RSPRY1: variants seen among roughly 807,000 people sequenced by gnomAD.
RSPRY1 encodes the protein ring finger and SPRY domain containing 1.
RSPRY1 carries 23 observed loss-of-function variants against 73.1 expected under a neutral mutation model. The observed-to-expected ratio is 0.31, with a 90% CI of 0.23 to 0.45. The LOEUF (loss-of-function observed/expected upper bound fraction) is 0.45, where lower values mean the gene tolerates loss of function less well. Ranked by LOEUF, RSPRY1 falls within the 20% of genes least tolerant of loss-of-function variation. The pLI is 1.00. For missense variants in RSPRY1, 448 were observed against 698.7 expected (o/e 0.64, Z 4.05); for synonymous variants, 226 against 251.4 (o/e 0.90, Z 0.95).
intron 1 of RSPRY1, among the ~76,000 whole-genome samples, chr16:57,189,464 C>T (rs2074312332): frequency 6.7e-6 from 1 of 148,596 alleles, no homozygotes; most frequent in Admixed American, 6.7e-5. Flanking sequence ...CAGGTAAAAA[C>T]AACAAATCTG....
At chr16:57,199,789 T>C (rs1186874309) in intron 1 of RSPRY1, among the ~76,000 whole-genome samples, 1 of 151,812 alleles carries the variant, frequency 6.6e-6, no homozygotes, top group Non-Finnish European at 1.5e-5. Context: ...TTGAATTGTT[T>C]ACCTCTTTTC....
chr16:57,237,775 G>A (rs2075322848), intron 14 of RSPRY1, among the ~76,000 whole-genome samples: 2 of 152,060 alleles, frequency 1.3e-5, no homozygotes, highest in East Asian at 1.9e-4. Flanking sequence ...GCAGTGGCGT[G>A]ATCTCAGCTC....
intron 6 of RSPRY1, 37 bp from the exon 7 acceptor site, chr16:57,216,070 T>TG: frequency 2.4e-6 from 1 of 416,782 alleles, no homozygotes; most frequent in Non-Finnish European, 3.1e-6. Context: ...AGGGGAATGA[T>TG]TTTTTTTTTT....
Position 57,204,709 on chromosome 16 carries a change from G to C in RSPRY1, c.51G>C (p.Gln17His). The change falls in exon 2 of 15, where the codon CAG (glutamine) becomes CAC (histidine). Residue 17 changes from glutamine (Q) to histidine (H), a missense_variant. Coordinates refer to ENST00000394420, the MANE Select transcript of RSPRY1 (RefSeq NM_133368.3). Reference protein sequence around the residue: ...AVFLASRSLGQGLLLTLEEHI... With the variant: ...AVFLASRSLGHGLLLTLEEHI... ...TCTTAGCGAGCAGAAGCCTTGGCCA[G>C]GGTCTGTTGTTGACTCTCGAAGAGC... 1 of 1,614,192 alleles carries C rather than the reference G, an allele frequency of 6.2e-7. No individual in the cohort carries two copies. Among genetic ancestry groups the C allele is most frequent in the Non-Finnish European group, 8.5e-7 (1 of 1,180,026 alleles).
intron 3 of RSPRY1, 137 bp downstream of exon 3, chr16:57,208,247 C>T (rs2074763585): frequency 9.7e-6 from 5 of 514,728 alleles, no homozygotes; most frequent in Non-Finnish European, 1.7e-5. Flanking sequence ...ATGAAAAAAG[C>T]CCTTACTGTA....
At chr16:57,191,701 C>T (rs1365504637) in intron 1 of RSPRY1, among the ~76,000 whole-genome samples, 5 of 152,174 alleles carry the variant, frequency 3.3e-5, no homozygotes, top group African/African-American at 1.2e-4. Context: ...TTTATACCAA[C>T]AATATTTTGG....
At chr16:57,199,339 A>G (rs1352139035) in intron 1 of RSPRY1, among the ~76,000 whole-genome samples, 3 of 152,142 alleles carry the variant, frequency 2.0e-5, no homozygotes, top group Non-Finnish European at 4.4e-5. Flanking sequence ...CTAAAAATAC[A>G]AAATTAGCCA....
chr16:57,222,526 C>A (rs567233166), intron 10 of RSPRY1, among the ~76,000 whole-genome samples: 3 of 152,210 alleles, frequency 2.0e-5, no homozygotes, highest in African/African-American at 4.8e-5. Flanking sequence ...GAGGTCAAGT[C>A]TGTACTCCTG....
chr16:57,218,926 C>G (rs1250575299), intron 8 of RSPRY1, among the ~76,000 whole-genome samples: 1 of 142,134 alleles, frequency 7.0e-6, no homozygotes, highest in Non-Finnish European at 1.5e-5. Context: ...TTAGTAGAGA[C>G]GGGGTTTCAC....
At chr16:57,236,610 G>T (rs1567519516) in intron 14 of RSPRY1, among the ~76,000 whole-genome samples, 2 of 152,126 alleles carry the variant, frequency 1.3e-5, no homozygotes, top group Admixed American at 6.6e-5. Flanking sequence ...AAGTACTAAG[G>T]CTAGTTTCAC....
chr16:57,214,831 C>A (rs1218503131), intron 6 of RSPRY1, among the ~76,000 whole-genome samples: 1 of 152,214 alleles, frequency 6.6e-6, no homozygotes, highest in African/African-American at 2.4e-5. Context: ...GAGTTCAAGA[C>A]CAGCCTGGCC....
At chr16:57,223,821 CAT>C (rs1416823146) in intron 10 of RSPRY1, among the ~76,000 whole-genome samples, 6 of 152,162 alleles carry the variant, frequency 3.9e-5, no homozygotes, top group South Asian at 2.1e-4. Flanking sequence ...GAGTGTCTGT[CAT>C]GTGACACTTT....
intron 5 of RSPRY1, among the ~76,000 whole-genome samples, 175 bp downstream of exon 5, chr16:57,213,273 A>G (rs556116552): frequency 6.6e-6 from 1 of 152,356 alleles, no homozygotes; most frequent in South Asian, 2.1e-4. Flanking sequence ...GGTGAATGCA[A>G]TTTAATTTAG....
chr16:57,201,915 T>C (rs2074621184), intron 1 of RSPRY1, among the ~76,000 whole-genome samples: 1 of 151,972 alleles, frequency 6.6e-6, no homozygotes, highest in African/African-American at 2.4e-5. Flanking sequence ...AGCAGTACAG[T>C]CCAGCTTTGG....
chr16:57,225,301 TCTGC>T (rs1278700096), intron 10 of RSPRY1, among the ~76,000 whole-genome samples: 1 of 152,206 alleles, frequency 6.6e-6, no homozygotes, highest in East Asian at 1.9e-4. Flanking sequence ...CCTCAAGTGA[TCTGC>T]CCCCCAAAGT....
chr16:57,235,161 C>G lies in RSPRY1; in HGVS notation c.1567C>G (p.Arg523Gly). The G allele has an allele frequency of 6.2e-7, 1 of 1,614,098 alleles. No homozygotes were observed. Among genetic ancestry groups the G allele is most frequent in the South Asian group, 1.1e-5 (1 of 91,080 alleles). The change falls in exon 14 of 15, where the codon CGA (arginine) becomes GGA (glycine). Residue 523 changes from arginine (R) to glycine (G), a missense_variant. By Grantham distance (125) the Arg-to-Gly change is moderately radical. Transcript: ENST00000394420. Reference sequence around the variant, plus strand: ...TGCTCTGTTGAAGCAAGTCAGTATCCGAGAAAACTGCTGTTCCCTTTGTTG... The same window carrying G: ...TGCTCTGTTGAAGCAAGTCAGTATCGGAGAAAACTGCTGTTCCCTTTGTTG... The part of the protein sequence containing the change: ...RLALLKQVSI[R>G]ENCCSLCCDE...
intron 1 of RSPRY1, among the ~76,000 whole-genome samples, chr16:57,192,012 G>GT (rs2074359397): frequency 2.0e-5 from 3 of 152,180 alleles, no homozygotes; most frequent in African/African-American, 7.2e-5. Flanking sequence ...TGGATATATA[G>GT]TTATTGAATG....
At chr16:57,228,359 A>G (rs1268488182) in intron 11 of RSPRY1, among the ~76,000 whole-genome samples, 6 of 126,046 alleles carry the variant, frequency 4.8e-5, no homozygotes, top group African/African-American at 9.1e-5. Flanking sequence ...GTGGTGTGGG[A>G]AAAAAATCAG....
intron 14 of RSPRY1, 44 bp from the exon 15 acceptor site, chr16:57,238,834 CT>C: frequency 2.6e-6 from 3 of 1,171,574 alleles, no homozygotes; most frequent in Non-Finnish European, 3.6e-6. Flanking sequence ...GGAGTTTGAC[CT>C]TTTGAAGCAT....
Sources: allele counts gnomAD v4.1 joint callset (sites outside exome capture counted in the v4.1 genomes callset), GRCh38; gene constraint gnomAD v4.1.1; transcripts MANE v1.5; gene names NCBI Gene and HGNC (gene_info 2026-07-23, HGNC 2026-07-21).